The following ARL6 variants were observed in gnomAD, a reference collection of about 807,000 sequenced individuals.
The protein encoded by ARL6 is ARF like GTPase 6, also known as ADP-ribosylation factor-like protein 6.
ARL6 carries 18 observed loss-of-function variants against 27.1 expected under a neutral mutation model. That is an observed-to-expected ratio of 0.66 (90% CI 0.46 to 0.98). The LOEUF (loss-of-function observed/expected upper bound fraction) is 0.98, where lower values mean the gene tolerates loss of function less well. ARL6 is among the 50% of genes least tolerant of loss of function. ARL6 has a pLI of 0.00. For synonymous variants in ARL6, 65 were observed against 72.3 expected (o/e 0.90, Z 0.51); for missense variants, 187 against 214.9 (o/e 0.87, Z 0.81).
At chr3:97,782,646 A>C (rs547779210) in intron 4 of ARL6, among the ~76,000 whole-genome samples, 2 of 151,962 alleles carry the variant, frequency 1.3e-5, no homozygotes, top group South Asian at 4.1e-4. Context: ...AAAATGAAAA[A>C]TGTTTATAAA....
intron 5 of ARL6, among the ~76,000 whole-genome samples, chr3:97,785,762 C>A (rs940263654): frequency 6.6e-6 from 1 of 152,054 alleles, no homozygotes; most frequent in African/African-American, 2.4e-5. Context: ...CGCCCAAGCC[C>A]CCACTACAAA....
intron 2 of ARL6, among the ~76,000 whole-genome samples, chr3:97,774,775 G>T (rs781455883): frequency 1.2e-4 from 18 of 152,150 alleles, no homozygotes; most frequent in Non-Finnish European, 2.6e-4. Flanking sequence ...TTTCTCTACA[G>T]GAGATAAGAC....
At chr3:97,777,001 T>C (rs1014659236) in intron 2 of ARL6, among the ~76,000 whole-genome samples, 4 of 152,224 alleles carry the variant, frequency 2.6e-5, no homozygotes, top group Non-Finnish European at 5.9e-5. Flanking sequence ...ATTGTTCAGT[T>C]GATAACTTGC....
At chr3:97,781,656 C>T (rs985608453) in intron 4 of ARL6, among the ~76,000 whole-genome samples, 1 of 152,080 alleles carries the variant, frequency 6.6e-6, no homozygotes, top group African/African-American at 2.4e-5. Context: ...GATGACTATA[C>T]TTCAGACTAA....
intron 6 of ARL6, among the ~76,000 whole-genome samples, chr3:97,788,475 T>C (rs1387451507): frequency 1.3e-5 from 2 of 152,150 alleles, no homozygotes; most frequent in African/African-American, 4.8e-5. Context: ...TTGAATCATT[T>C]TCCAAAATAA....
At chr3:97,782,299 A>G (rs2037234238) in intron 4 of ARL6, among the ~76,000 whole-genome samples, 1 of 151,964 alleles carries the variant, frequency 6.6e-6, no homozygotes, top group African/African-American at 2.4e-5. Flanking sequence ...TTACAAAAAT[A>G]TATATAGAGA....
intron 4 of ARL6, among the ~76,000 whole-genome samples, chr3:97,781,545 T>A (rs1000308403): frequency 1.3e-5 from 2 of 152,106 alleles, no homozygotes; most frequent in Non-Finnish European, 2.9e-5. Flanking sequence ...TTTGCATATG[T>A]TATAAGCAAA....
chr3:97,780,010 TG>T lies in ARL6; in HGVS notation c.124-148del. On this transcript the variant is annotated intron_variant, in intron 2 of 7. Coordinates refer to ENST00000463745, the MANE Select transcript of ARL6 (RefSeq NM_001278293.3). ...ACTTCTATAAAGAATTCACACAGAG[TG>T]ATCCTATTGAAAAAATTATATAACT... 4 of 664,156 alleles carry T rather than the reference TG, an allele frequency of 6.0e-6. No individual in the cohort carries two copies. In the South Asian group the frequency reaches 7.4e-5, roughly 12 times the overall value. 41.1% of individuals were successfully genotyped at this position (664,156 alleles called of 1,614,324 possible).
rs1286311281 is a variant in ARL6 at position 97,798,005 on chromosome 3, GTTTGT to G, written c.536-15_536-11del. 12 of 1,611,368 alleles carry G rather than the reference GTTTGT, an allele frequency of 7.4e-6. No homozygotes were observed. The highest frequency in any genetic ancestry group is 1.0e-5 in the Non-Finnish European group (12 of 1,178,056). ...TGCCCTATAGAGATTGATAATTTTT[GTTTGT>G]TTTTTGTTATCAGATCAGATCCAGA... On this transcript the variant is annotated splice_polypyrimidine_tract_variant and intron_variant, in intron 7 of 7. Coordinates refer to ENST00000463745, the MANE Select transcript of ARL6 (RefSeq NM_001278293.3).
At chr3:97,795,019 G>C (rs1006240700) in intron 7 of ARL6, among the ~76,000 whole-genome samples, 1 of 152,178 alleles carries the variant, frequency 6.6e-6, no homozygotes, top group African/African-American at 2.4e-5. Context: ...GGAGGTTGCA[G>C]TGAGCCGAGA....
intron 3 of ARL6, 30 bp downstream of exon 3, chr3:97,780,250 T>C: frequency 6.4e-7 from 1 of 1,565,868 alleles, no homozygotes; most frequent in South Asian, 1.1e-5. Flanking sequence ...AACAAAAAAG[T>C]TGCTAGTGAA....
At chr3:97,789,835 G>A (rs891678615) in intron 6 of ARL6, among the ~76,000 whole-genome samples, 1 of 152,012 alleles carries the variant, frequency 6.6e-6, no homozygotes, top group Non-Finnish European at 1.5e-5. Flanking sequence ...CAGTGATACA[G>A]AGATAAAATA....
intron 6 of ARL6, chr3:97,791,247 C>G (rs868559941): frequency 6.4e-6 from 1 of 155,252 alleles, no homozygotes; most frequent in Non-Finnish European, 1.4e-5. Context: ...GTTCAATGAC[C>G]TAGTCAAGCT....
chr3:97,773,476 C>T (rs1230512916), intron 2 of ARL6, among the ~76,000 whole-genome samples: 1 of 152,060 alleles, frequency 6.6e-6, no homozygotes, highest in East Asian at 1.9e-4. Flanking sequence ...ATCACAAGTC[C>T]ACCCCTTGTC....
At chr3:97,769,031 A>G (rs781340879) in intron 2 of ARL6, among the ~76,000 whole-genome samples, 9 of 152,070 alleles carry the variant, frequency 5.9e-5, no homozygotes, top group Non-Finnish European at 1.3e-4. Context: ...CTAGAACATT[A>G]TTTTTAAGGA....
chr3:97,775,549 C>G (rs889877297), intron 2 of ARL6, among the ~76,000 whole-genome samples: 6 of 152,110 alleles, frequency 3.9e-5, no homozygotes, highest in Non-Finnish European at 8.8e-5. Flanking sequence ...TCCCAGCACA[C>G]TGACTCAAAT....
intron 4 of ARL6, among the ~76,000 whole-genome samples, chr3:97,783,647 G>C (rs533350160): frequency 6.6e-6 from 1 of 151,650 alleles, no homozygotes; most frequent in Non-Finnish European, 1.5e-5. Context: ...ATGTATGTCT[G>C]TGATAATCAG....
chr3:97,793,134 GT>G (rs2108090636), intron 7 of ARL6, among the ~76,000 whole-genome samples: 1 of 152,248 alleles, frequency 6.6e-6, no homozygotes, highest in South Asian at 2.1e-4. Context: ...TAATATGGTG[GT>G]TTAGTTAACT....
chr3:97,797,820 G>C (rs1480380164), intron 7 of ARL6, among the ~76,000 whole-genome samples: 2 of 152,104 alleles, frequency 1.3e-5, no homozygotes, highest in African/African-American at 4.8e-5. Flanking sequence ...TACTAGAGAG[G>C]TTCAGGTGGG....
Sources: allele counts gnomAD v4.1 joint callset (sites outside exome capture counted in the v4.1 genomes callset), GRCh38; gene constraint gnomAD v4.1.1; transcripts MANE v1.5; gene names NCBI Gene and HGNC (gene_info 2026-07-23, HGNC 2026-07-21).